Variants in OR9Q1 observed in about 807,000 individuals in gnomAD.
OR9Q1 encodes olfactory receptor family 9 subfamily Q member 1.
For missense variants in OR9Q1, 374 were observed against 378.8 expected (o/e 0.99, Z 0.11); for synonymous variants, 153 against 148.6 (o/e 1.03, Z -0.22).
intron 2 of OR9Q1, among the ~76,000 whole-genome samples, chr11:58,059,240 T>TA (rs928200909): frequency 5.3e-5 from 8 of 152,330 alleles, no homozygotes; most frequent in African/African-American, 9.6e-5. Flanking sequence ...AAAGATGTGC[T>TA]AACGGCTTTG....
intron 2 of OR9Q1, among the ~76,000 whole-genome samples, chr11:58,173,290 C>A: frequency 9.0e-6 from 1 of 110,738 alleles, no homozygotes; most frequent in African/African-American, 3.5e-5. Flanking sequence ...TCCCCCCTCC[C>A]CCCACCCCAC....
chr11:58,168,054 C>A (rs866831529), intron 2 of OR9Q1, among the ~76,000 whole-genome samples: 2 of 152,180 alleles, frequency 1.3e-5, no homozygotes, highest in Non-Finnish European at 2.9e-5. Flanking sequence ...TGGCAAAAAT[C>A]TCCTTGAGAG....
chr11:58,095,547 T>A (rs1019801388), intron 2 of OR9Q1, among the ~76,000 whole-genome samples: 13 of 152,134 alleles, frequency 8.5e-5, no homozygotes, highest in Non-Finnish European at 1.5e-4. Flanking sequence ...ATAATCATGG[T>A]GGAAGGGGAA....
At chr11:58,149,554 T>C (rs753955732) in intron 2 of OR9Q1, among the ~76,000 whole-genome samples, 32 of 152,318 alleles carry the variant, frequency 2.1e-4, no homozygotes, top group Non-Finnish European at 2.8e-4. Flanking sequence ...CCATCACCAC[T>C]ATCCTTCTCC....
chr11:58,176,955 C>A (rs1031782092), intron 2 of OR9Q1, among the ~76,000 whole-genome samples: 1 of 152,150 alleles, frequency 6.6e-6, no homozygotes, highest in Non-Finnish European at 1.5e-5. Context: ...GAGAAGAGGA[C>A]CTGCCAGGTA....
intron 2 of OR9Q1, among the ~76,000 whole-genome samples, chr11:58,088,900 G>C (rs1267661842): frequency 2.6e-5 from 4 of 151,448 alleles, no homozygotes; most frequent in Admixed American, 6.6e-5. Context: ...TTTTGAGACG[G>C]AGTTTCGCTC....
At chr11:58,173,711 G>T (rs1331291626) in intron 2 of OR9Q1, among the ~76,000 whole-genome samples, 2 of 152,058 alleles carry the variant, frequency 1.3e-5, no homozygotes, top group Non-Finnish European at 2.9e-5. Context: ...AGGTTGGGAG[G>T]GCATAGCAAC....
chr11:58,044,408 G>A (rs545114331), intron 1 of OR9Q1: 2 of 152,346 alleles, frequency 1.3e-5, no homozygotes, highest in South Asian at 4.2e-4. Context: ...GGTTTCCACA[G>A]GACGTTTTTC....
Position 58,181,613 on chromosome 11 carries a change from A to C in OR9Q1, c.*1236A>C, listed in dbSNP as rs557768362. 60 of 157,598 alleles carry C rather than the reference A, an allele frequency of 3.8e-4. No individual in the cohort carries two copies. The highest frequency in any genetic ancestry group is 1.2e-3 in the African/African-American group (49 of 41,534). 9.8% of individuals were successfully genotyped at this position (157,598 alleles called of 1,614,324 possible). ...TCCAAAACCAAAACAACAACAACAA[A>C]AAATCCAGGGTACCCTGTATGTGAT... On this transcript the variant is annotated 3_prime_UTR_variant, in exon 3 of 3. Coordinates refer to ENST00000335397, the MANE Select transcript of OR9Q1 (RefSeq NM_001005212.4).
chr11:58,032,212 C>T (rs1265519704), intron 1 of OR9Q1, among the ~76,000 whole-genome samples: 1 of 152,024 alleles, frequency 6.6e-6, no homozygotes, highest in Admixed American at 6.5e-5. Flanking sequence ...AATGCTATTC[C>T]TATCAAACTA....
chr11:58,075,577 G>A (rs1300197716), intron 2 of OR9Q1: 1 of 152,234 alleles, frequency 6.6e-6, no homozygotes, highest in Non-Finnish European at 1.5e-5. Context: ...AGGCTTCAGG[G>A]AGCTGCTGGT....
chr11:58,044,141 C>T (rs1447748548), intron 1 of OR9Q1: 1 of 152,200 alleles, frequency 6.6e-6, no homozygotes, highest in African/African-American at 2.4e-5. Context: ...TTAATAGCCT[C>T]AAATGGCTTT....
At chr11:58,165,803 G>A (rs1352796469) in intron 2 of OR9Q1, among the ~76,000 whole-genome samples, 2 of 152,220 alleles carry the variant, frequency 1.3e-5, no homozygotes, top group South Asian at 2.1e-4. Context: ...GACATTTCCC[G>A]CTCCCAAGTA....
intron 2 of OR9Q1, among the ~76,000 whole-genome samples, chr11:58,148,130 C>G (rs1038448891): frequency 2.0e-5 from 3 of 152,124 alleles, no homozygotes; most frequent in Non-Finnish European, 2.9e-5. Flanking sequence ...TGTTCTTGAT[C>G]ACTTAGAGCG....
At chr11:58,136,893 T>C (rs1854194249) in intron 2 of OR9Q1, among the ~76,000 whole-genome samples, 2 of 152,186 alleles carry the variant, frequency 1.3e-5, no homozygotes, top group Admixed American at 1.3e-4. Context: ...AGGAGCTGGC[T>C]GTAGTAGCAC....
At chr11:58,175,357 T>G (rs1412354634) in intron 2 of OR9Q1, among the ~76,000 whole-genome samples, 1 of 152,078 alleles carries the variant, frequency 6.6e-6, no homozygotes, top group African/African-American at 2.4e-5. Flanking sequence ...CCCATATATG[T>G]GCTGACCCCC....
rs150215018 is a variant in OR9Q1, at chr11:58,106,740, C to T, written c.-15+50793C>T. 8.8e-3 allele frequency among the ~76,000 whole-genome samples: 1,341 copies of T among 152,190 alleles called. 17 individuals carry two copies. Among genetic ancestry groups the T allele is most frequent in the Admixed American group, 0.02 (300 of 15,260 alleles). Reference sequence around the variant, plus strand: ...ATGCAGTTTTCTTAACACCAGTTATCGAAGAGACTGTCTTTTCCCTCATTG... The same window carrying T: ...ATGCAGTTTTCTTAACACCAGTTATTGAAGAGACTGTCTTTTCCCTCATTG... On this transcript the variant is annotated intron_variant, in intron 2 of 2. Coordinates refer to ENST00000335397, the MANE Select transcript of OR9Q1 (RefSeq NM_001005212.4).
chr11:58,151,176 A>G (rs1854347822), intron 2 of OR9Q1, among the ~76,000 whole-genome samples: 1 of 152,116 alleles, frequency 6.6e-6, no homozygotes, highest in African/African-American at 2.4e-5. Flanking sequence ...AAAGGCACTC[A>G]ACTAACTTTT....
intron 2 of OR9Q1, among the ~76,000 whole-genome samples, chr11:58,127,087 C>T (rs1432817546): frequency 2.0e-5 from 3 of 152,160 alleles, no homozygotes; most frequent in Admixed American, 1.3e-4. Context: ...GTAGCTAGGA[C>T]TACAGGCATG....
Sources: gnomAD v4.1 joint callset for allele counts (sites outside exome capture counted in the v4.1 genomes callset) on GRCh38, gnomAD v4.1.1 for gene constraint, MANE v1.5 for transcripts, NCBI Gene and HGNC (gene_info 2026-07-23, HGNC 2026-07-21) for gene names.